The following C22orf23 variants were observed in gnomAD, a reference collection of about 807,000 sequenced individuals.
C22orf23 encodes chromosome 22 open reading frame 23, also known as UPF0193 protein EVG1.
In C22orf23, 30 loss-of-function variants were observed where a neutral mutation model predicts 29.7. The ratio of observed to expected loss-of-function variants is 1.01; its 90% CI spans 0.76 to 1.37. The LOEUF is 1.37. Ranked by LOEUF, C22orf23 falls within the 40% of genes most tolerant of loss-of-function variation. The pLI, the probability that C22orf23 is intolerant of heterozygous loss-of-function variation, is 0.00. For synonymous variants in C22orf23, 90 were observed against 96.1 expected (o/e 0.94, Z 0.37); for missense variants, 237 against 273.1 (o/e 0.87, Z 0.93).
At position 37,944,103 on chromosome 22, in the gene C22orf23, A is replaced by G. The variant is rs1197564457; in HGVS notation, c.*72T>C. ...GCTGGTAGGATGGGCTGGCCTGAGG[A>G]TGGCCCTGCCTGGCAGAGGAGTGGA... On this transcript the variant is annotated 3_prime_UTR_variant, in exon 7 of 7. Coordinates refer to ENST00000403305, the MANE Select transcript of C22orf23 (RefSeq NM_032561.5). The G allele has an allele frequency of 7.1e-7, 1 of 1,410,738 alleles. No individual in the cohort carries two copies. The highest frequency in any genetic ancestry group is 1.4e-5 in the African/African-American group (1 of 70,850). The allele number at this position is 1,410,738 out of a possible 1,614,324, so 87.4% of individuals were successfully genotyped here. A position where few individuals can be genotyped will look rare whatever the true frequency, so the allele number is the denominator to read the frequency against.
At chr22:37,945,667 T>C (rs955553258) in intron 4 of C22orf23, among the ~76,000 whole-genome samples, 2 of 150,878 alleles carry the variant, frequency 1.3e-5, no homozygotes, top group African/African-American at 4.9e-5. Context: ...TTTTGTATTT[T>C]TTTTTTTTTA....
intron 4 of C22orf23, 77 bp from the exon 5 acceptor site, chr22:37,945,250 G>A (rs546530725): frequency 5.1e-5 from 79 of 1,538,068 alleles, no homozygotes; most frequent in South Asian, 3.8e-5. Flanking sequence ...CCAAGTGCAC[G>A]TGCTTGCTGC....
rs1269634407 is a variant in C22orf23 at position 37,943,648 on chromosome 22, C to T, written c.*527G>A. 6.2e-6 allele frequency: 1 copy of T among 160,316 alleles called. No homozygotes were observed. Among genetic ancestry groups the T allele is most frequent in the Admixed American group, 5.9e-5 (1 of 16,978 alleles). The allele number at this position is 160,316 out of a possible 1,614,324, so 9.9% of individuals were successfully genotyped here. A position where few individuals can be genotyped will look rare whatever the true frequency, so the allele number is the denominator to read the frequency against. On this transcript the variant is annotated 3_prime_UTR_variant, in exon 7 of 7. Transcript: ENST00000403305. ...CCACTTGAAATATGCAAACAGGTAG[C>T]TAGAAACCATCTGGGCTTGACAAAG... is the stretch of plus-strand genomic sequence containing the variant.
intron 2 of C22orf23, chr22:37,951,739 G>T: frequency 5.8e-6 from 1 of 171,244 alleles, no homozygotes; most frequent in Non-Finnish European, 1.2e-5. Context: ...TGTATGATAA[G>T]AATTTTTGCT....
Position 37,944,218 on chromosome 22 carries a change from T to A in C22orf23, c.611A>T (p.His204Leu), listed in dbSNP as rs1415902933. ...QKLREMEDID[H>L]RRSEELRKGL... ...CTTCCTAAGTTCCTCACTCCTTCTG[T>A]GGTCAATGTCTTCCATTTCCCGGAG... Residue 204 changes from histidine to leucine, a missense_variant, in exon 7 of 7, where the codon CAC becomes CTC. His to Leu is a moderately conservative substitution (Grantham distance 99, BLOSUM62 -3). Transcript: ENST00000403305. 6.2e-7 allele frequency: 1 copy of A among 1,614,110 alleles called. No homozygotes were observed. The highest frequency in any genetic ancestry group is 8.5e-7 in the Non-Finnish European group (1 of 1,180,048).
chr22:37,945,070 T>C lies in C22orf23; in HGVS notation c.453A>G (p.Pro151=). The part of the protein sequence containing the change: ...RKAPPARQKA[P]APELDRFEEL... Reference sequence around the variant, plus strand: ...CTTCAAATCGGTCTAGCTCAGGGGCTGGAGCCTTCTGTCGTGCAGGAGGGG... The same window carrying C: ...CTTCAAATCGGTCTAGCTCAGGGGCCGGAGCCTTCTGTCGTGCAGGAGGGG... The change falls in exon 5 of 7, where the codon CCA becomes CCG. Residue 151 remains proline (P), a synonymous_variant. Coordinates refer to ENST00000403305, the MANE Select transcript of C22orf23 (RefSeq NM_032561.5). The C allele has an allele frequency of 6.2e-7, 1 of 1,613,208 alleles. No individual in the cohort carries two copies. Among genetic ancestry groups the C allele is most frequent in the Non-Finnish European group, 8.5e-7 (1 of 1,179,714 alleles).
At chr22:37,947,601 CTT>C in intron 3 of C22orf23, 138 bp from the exon 4 acceptor site, 1 of 667,930 alleles carries the variant, frequency 1.5e-6, no homozygotes, top group Admixed American at 4.2e-5. Context: ...ACCTCTGCCT[CTT>C]AGGTTCAAGC....
intron 4 of C22orf23, among the ~76,000 whole-genome samples, chr22:37,945,987 G>A (rs955522317): frequency 1.3e-5 from 2 of 151,788 alleles, no homozygotes; most frequent in African/African-American, 2.4e-5. Context: ...GGCCGGGCGC[G>A]GTAGCTCATG....
chr22:37,947,172 G>A, intron 4 of C22orf23, 109 bp downstream of exon 4: 1 of 1,165,726 alleles, frequency 8.6e-7, no homozygotes, highest in African/African-American at 1.5e-5. Flanking sequence ...CAAAGTGCAT[G>A]GGGATTTGAT....
chr22:37,944,691 G>A, intron 5 of C22orf23, 174 bp from the exon 6 acceptor site: 1 of 603,386 alleles, frequency 1.7e-6, no homozygotes, highest in South Asian at 2.0e-5. Flanking sequence ...ACGAGGTCAG[G>A]AGTTCGAGAC....
chr22:37,946,196 T>G (rs996552104), intron 4 of C22orf23, among the ~76,000 whole-genome samples: 10 of 151,724 alleles, frequency 6.6e-5, no homozygotes, highest in African/African-American at 2.2e-4. Flanking sequence ...GAGGTGGAGC[T>G]TGCAGTGAGC....
chr22:37,953,211 T>C, intron 1 of C22orf23, 53 bp from the exon 2 acceptor site: 1 of 1,288,404 alleles, frequency 7.8e-7, no homozygotes, highest in Non-Finnish European at 1.1e-6. Context: ...CCCTAATCTC[T>C]GTTCCCCGAC....
intron 3 of C22orf23, among the ~76,000 whole-genome samples, chr22:37,948,255 C>T (rs1238020657): frequency 1.3e-5 from 2 of 152,106 alleles, no homozygotes; most frequent in Non-Finnish European, 2.9e-5. Context: ...TGAGACCAGC[C>T]TGGCCAACAT....
At chr22:37,949,508 G>C (rs9622714) in intron 3 of C22orf23, among the ~76,000 whole-genome samples, 1 of 142,066 alleles carries the variant, frequency 7.0e-6, no homozygotes, top group Non-Finnish European at 1.5e-5. Flanking sequence ...ACCCAGGCTA[G>C]AGTGCAATGG....
intron 3 of C22orf23, among the ~76,000 whole-genome samples, chr22:37,950,479 C>T (rs930008911): frequency 2.0e-5 from 3 of 152,034 alleles, no homozygotes; most frequent in African/African-American, 7.2e-5. Flanking sequence ...TCCACTCGGT[C>T]GCCCAGGCTG....
At chr22:37,951,610 C>G in intron 2 of C22orf23, 88 bp from the exon 3 acceptor site, 1 of 1,180,886 alleles carries the variant, frequency 8.5e-7, no homozygotes, top group African/African-American at 1.5e-5. Flanking sequence ...ACCCTACATC[C>G]TAGCCCCATT....
intron 3 of C22orf23, among the ~76,000 whole-genome samples, chr22:37,947,898 G>T (rs968412882): frequency 5.9e-5 from 9 of 151,640 alleles, no homozygotes; most frequent in Non-Finnish European, 1.2e-4. Flanking sequence ...TTGAGGTCAG[G>T]AATTCGAGAC....
intron 6 of C22orf23, 44 bp from the exon 7 acceptor site, chr22:37,944,290 C>T: frequency 3.7e-6 from 6 of 1,614,060 alleles, no homozygotes; most frequent in Non-Finnish European, 5.1e-6. Flanking sequence ...GGGCTAGGAA[C>T]CTGAGGAGCT....
intron 3 of C22orf23, among the ~76,000 whole-genome samples, chr22:37,950,637 T>G (rs1345637102): frequency 6.6e-6 from 1 of 151,726 alleles, no homozygotes; most frequent in Non-Finnish European, 1.5e-5. Flanking sequence ...CTGGGTGCAG[T>G]GGCTCATGCC....
Sources: gnomAD v4.1 joint callset for allele counts (sites outside exome capture counted in the v4.1 genomes callset) on GRCh38, gnomAD v4.1.1 for gene constraint, MANE v1.5 for transcripts, NCBI Gene and HGNC (gene_info 2026-07-23, HGNC 2026-07-21) for gene names.